Variants in ADCK1 observed in about 807,000 individuals in gnomAD.
The protein encoded by ADCK1 is aarF domain-containing protein kinase 1.
ADCK1 carries 41 observed loss-of-function variants against 52.3 expected under a neutral mutation model. That is an observed-to-expected ratio of 0.78 (90% confidence interval 0.61 to 1.02). The LOEUF is 1.02. ADCK1 is among the 50% of genes least tolerant of loss of function. ADCK1 has a pLI of 0.00. For synonymous variants in ADCK1, 250 were observed against 274.6 expected, an observed-to-expected ratio of 0.91 and a Z score of 0.89; for missense variants, 658 against 679.5, an observed-to-expected ratio of 0.97 and a Z score of 0.35.
chr14:77,824,144 C>T (rs745629129), intron 3 of ADCK1, among the ~76,000 whole-genome samples: 28 of 150,952 alleles, frequency 1.9e-4, no homozygotes, highest in Non-Finnish European at 1.2e-4. Context: ...AGTGATCCGC[C>T]GCCTCAGCCT....
At chr14:77,847,542 C>T (rs2082196485) in intron 3 of ADCK1, among the ~76,000 whole-genome samples, 1 of 152,184 alleles carries the variant, frequency 6.6e-6, no homozygotes, top group Admixed American at 6.5e-5. Context: ...TGCCCTCCAG[C>T]CTGGGTGATG....
At chr14:77,825,653 T>C (rs543267136) in intron 3 of ADCK1, among the ~76,000 whole-genome samples, 1 of 151,752 alleles carries the variant, frequency 6.6e-6, no homozygotes, top group Admixed American at 6.6e-5. Flanking sequence ...TTTTTTTTTT[T>C]TTTTGAGACG....
At chr14:77,858,976 G>A in intron 3 of ADCK1, 100 bp from the exon 4 acceptor site, 2 of 1,117,596 alleles carry the variant, frequency 1.8e-6, no homozygotes, top group Admixed American at 2.3e-5. Flanking sequence ...GGCATTGTGG[G>A]GTAATGAGGG....
chr14:77,918,311 T>A (rs1303196012), intron 7 of ADCK1, among the ~76,000 whole-genome samples: 5 of 152,224 alleles, frequency 3.3e-5, no homozygotes, highest in African/African-American at 7.2e-5. Flanking sequence ...ATATCGTATT[T>A]TCACTTAGTA....
chr14:77,920,220 T>G (rs547908035), intron 7 of ADCK1, among the ~76,000 whole-genome samples: 1 of 152,376 alleles, frequency 6.6e-6, no homozygotes, highest in Non-Finnish European at 1.5e-5. Flanking sequence ...TCTTCTAGAT[T>G]TTTTATGGTT....
At chr14:77,908,571 A>G (rs2083720193) in intron 7 of ADCK1, among the ~76,000 whole-genome samples, 1 of 152,140 alleles carries the variant, frequency 6.6e-6, no homozygotes, top group African/African-American at 2.4e-5. Context: ...TGTTGCCTAG[A>G]CTGGCGTGCA....
chr14:77,891,582 T>A (rs955018268), intron 5 of ADCK1, among the ~76,000 whole-genome samples: 4 of 152,202 alleles, frequency 2.6e-5, no homozygotes, highest in African/African-American at 9.6e-5. Context: ...CATCACATGC[T>A]TTTCTTGGGA....
intron 4 of ADCK1, among the ~76,000 whole-genome samples, chr14:77,885,291 G>A (rs974854106): frequency 6.6e-6 from 1 of 152,188 alleles, no homozygotes; most frequent in Non-Finnish European, 1.5e-5. Context: ...CACGAAGGAG[G>A]AGAAAAGACA....
At chr14:77,855,136 G>A (rs756537792) in intron 3 of ADCK1, among the ~76,000 whole-genome samples, 49 of 152,154 alleles carry the variant, frequency 3.2e-4, no homozygotes, top group Non-Finnish European at 1.5e-4. Flanking sequence ...TCCCCACGTG[G>A]CCTGGCATGG....
At chr14:77,834,031 T>C (rs1191791059) in intron 3 of ADCK1, among the ~76,000 whole-genome samples, 1 of 152,238 alleles carries the variant, frequency 6.6e-6, no homozygotes, top group East Asian at 1.9e-4. Context: ...ACTTTACCCA[T>C]GCAGTTATAG....
At chr14:77,845,645 G>A (rs1325112587) in intron 3 of ADCK1, among the ~76,000 whole-genome samples, 2 of 152,028 alleles carry the variant, frequency 1.3e-5, no homozygotes, top group African/African-American at 4.8e-5. Context: ...GGTTGGTCTC[G>A]AGTTCCTGGC....
At chr14:77,854,330 GGAA>G (rs1289649099) in intron 3 of ADCK1, among the ~76,000 whole-genome samples, 2 of 152,140 alleles carry the variant, frequency 1.3e-5, no homozygotes, top group Admixed American at 6.6e-5. Context: ...GAGAGGTCTG[GGAA>G]GGAGATACAC....
At chr14:77,891,845 ACCAAGAAGGGC>A (rs547387108) in intron 5 of ADCK1, among the ~76,000 whole-genome samples, 156 of 152,284 alleles carry the variant, frequency 1.0e-3, no homozygotes, top group African/African-American at 3.6e-3. Flanking sequence ...CTGGTACAAA[ACCAAGAAGGGC>A]CCAACTGGAA....
chr14:77,915,709 G>A (rs2083908492), intron 7 of ADCK1, among the ~76,000 whole-genome samples: 1 of 152,182 alleles, frequency 6.6e-6, no homozygotes, highest in Admixed American at 6.5e-5. Flanking sequence ...GAGGGGTCCA[G>A]GTGTATGAGA....
At chr14:77,810,632 G>A (rs2081320259) in intron 1 of ADCK1, among the ~76,000 whole-genome samples, 1 of 150,948 alleles carries the variant, frequency 6.6e-6, no homozygotes, top group African/African-American at 2.4e-5. Context: ...CCGGGTTCAC[G>A]CCATTTTCCT....
intron 4 of ADCK1, among the ~76,000 whole-genome samples, chr14:77,863,810 C>T (rs898740991): frequency 1.3e-5 from 2 of 151,480 alleles, no homozygotes; most frequent in Non-Finnish European, 2.9e-5. Flanking sequence ...GGACTCCAGC[C>T]TGGTCAAGAG....
At chr14:77,926,719 T>C (rs773556834) in intron 9 of ADCK1, among the ~76,000 whole-genome samples, 38 of 152,210 alleles carry the variant, frequency 2.5e-4, no homozygotes, top group Non-Finnish European at 4.1e-4. Flanking sequence ...GTGGTCATTA[T>C]TTGTAGCTCA....
intron 3 of ADCK1, among the ~76,000 whole-genome samples, chr14:77,849,978 TTGAGACCAGCCTGGGCAACATAG>T (rs1427316057): frequency 1.2e-4 from 18 of 151,926 alleles, no homozygotes; most frequent in African/African-American, 1.2e-4. Context: ...GGCCAGGAGA[TTGAGACCAGCCTGGGCAACATAG>T]TGAGACCAGC....
chr14:77,884,599 G>A (rs1174052766), intron 4 of ADCK1, among the ~76,000 whole-genome samples: 1 of 152,142 alleles, frequency 6.6e-6, no homozygotes, highest in Non-Finnish European at 1.5e-5. Flanking sequence ...GGAATCATAG[G>A]GTGGGTACTC....
Sources: allele counts gnomAD v4.1 joint callset (sites outside exome capture counted in the v4.1 genomes callset), GRCh38; gene constraint gnomAD v4.1.1; transcripts MANE v1.5; gene names NCBI Gene and HGNC (gene_info 2026-07-23, HGNC 2026-07-21).